The following CHST8 variants were observed in gnomAD, a reference collection of about 807,000 sequenced individuals.
CHST8 encodes GALNAC-4-ST1.
A neutral mutation model predicts 15.0 loss-of-function variants in CHST8; 10 were observed. That is an observed-to-expected ratio of 0.67 (90% CI 0.41 to 1.13). CHST8 has a LOEUF of 1.13. Ranked by LOEUF, CHST8 falls within the 50% of genes most tolerant of loss-of-function variation. The pLI is 0.00. For missense variants in CHST8, 634 were observed against 608.2 expected, an observed-to-expected ratio of 1.04 and a Z score of -0.45; for synonymous variants, 259 against 256.6, an observed-to-expected ratio of 1.01 and a Z score of -0.09.
intron 3 of CHST8, among the ~76,000 whole-genome samples, chr19:33,771,118 C>G (rs966486738): frequency 3.9e-5 from 6 of 152,146 alleles, no homozygotes; most frequent in Non-Finnish European, 8.8e-5. Context: ...TATGGGCACA[C>G]CTGGGCAGGG....
intron 1 of CHST8, among the ~76,000 whole-genome samples, chr19:33,631,952 C>T (rs1354539763): frequency 6.6e-6 from 1 of 152,182 alleles, no homozygotes; most frequent in Non-Finnish European, 1.5e-5. Context: ...TAAGAGTCCA[C>T]AATCAGTGGC....
rs1000289786 is a variant in CHST8 at position 33,626,624 on chromosome 19, G to C, written c.-164+4328G>C. Among the ~76,000 whole-genome samples, 6 of 152,050 alleles carry C rather than the reference G, an allele frequency of 3.9e-5. No individual in the cohort carries two copies. In the South Asian group the frequency reaches 1.2e-3, roughly 32 times the overall value. ...AGAGCTGGTTGTTAAAAAGAGCCTA[G>C]CACCTACCCCCTACCTCTGTGATCT... On this transcript the variant is annotated intron_variant, in intron 1 of 4. Transcript: ENST00000650847.
intron 3 of CHST8, among the ~76,000 whole-genome samples, chr19:33,755,611 G>A (rs548346383): frequency 7.9e-5 from 12 of 152,318 alleles, no homozygotes; most frequent in South Asian, 6.2e-4. Flanking sequence ...TTTGTTTCCC[G>A]GAATAGCACA....
intron 1 of CHST8, among the ~76,000 whole-genome samples, chr19:33,646,373 G>A (rs1489405599): frequency 6.6e-6 from 1 of 152,152 alleles, no homozygotes; most frequent in Non-Finnish European, 1.5e-5. Flanking sequence ...GATCATTTGA[G>A]CCAGTTTCTT....
intron 3 of CHST8, among the ~76,000 whole-genome samples, chr19:33,708,778 G>T (rs1162099451): frequency 6.6e-6 from 1 of 152,160 alleles, no homozygotes; most frequent in Non-Finnish European, 1.5e-5. Flanking sequence ...CACCTGCTGT[G>T]ACTTGATAGG....
chr19:33,721,468 T>G (rs1973787406), intron 3 of CHST8, among the ~76,000 whole-genome samples: 1 of 152,192 alleles, frequency 6.6e-6, no homozygotes, highest in Non-Finnish European at 1.5e-5. Flanking sequence ...GTTGGATGGA[T>G]GGACAGATGG....
rs748385975 is a variant in CHST8 at position 33,689,405 on chromosome 19, C to G, written c.130+14C>G. 6.4e-7 allele frequency: 1 copy of G among 1,571,330 alleles called. No individual in the cohort carries two copies. Among genetic ancestry groups the G allele is most frequent in the Non-Finnish European group, 8.6e-7 (1 of 1,162,726 alleles). ...AGCAGGTGCCAGGTGAGTCCTTGCG[C>G]TGAGTCCTGCCATCACTGCCCCCAG... is the stretch of plus-strand genomic sequence containing the variant. On this transcript the variant is annotated intron_variant, in intron 3 of 4. Transcript: ENST00000650847.
At chr19:33,650,509 TTTTCTTTTC>T (rs1972427383) in intron 1 of CHST8, among the ~76,000 whole-genome samples, 2 of 90,342 alleles carry the variant, frequency 2.2e-5, no homozygotes, top group Admixed American at 1.2e-4. Context: ...TTCTTTTTCT[TTTTCTTTTC>T]TTTTTTTTTT....
chr19:33,760,517 A>T (rs1974701358), intron 3 of CHST8, among the ~76,000 whole-genome samples: 1 of 151,210 alleles, frequency 6.6e-6, no homozygotes, highest in Non-Finnish European at 1.5e-5. Context: ...ATGGGGTCTC[A>T]CTATGTTGTC....
chr19:33,689,868 C>A (rs945986562), intron 3 of CHST8, among the ~76,000 whole-genome samples: 2 of 152,188 alleles, frequency 1.3e-5, no homozygotes, highest in African/African-American at 4.8e-5. Context: ...GAGGCCAAGA[C>A]CCCCTCCGAG....
chr19:33,747,871 T>C (rs2145351260), intron 3 of CHST8, among the ~76,000 whole-genome samples: 2 of 152,320 alleles, frequency 1.3e-5, no homozygotes, highest in South Asian at 4.1e-4. Flanking sequence ...GGTTCCTAGC[T>C]CTTTGTGGAG....
intron 3 of CHST8, among the ~76,000 whole-genome samples, chr19:33,757,390 GAAA>G (rs1568358114): frequency 4.0e-4 from 2 of 5,000 alleles, no homozygotes; most frequent in African/African-American, 5.0e-4. Flanking sequence ...AAAAAAAGAA[GAAA>G]GAAAGAAAGA....
In CHST8 at chr19:33,699,387, G is replaced by A. The variant is rs566200736; in HGVS notation, c.130+9996G>A. On this transcript the variant is annotated intron_variant, in intron 3 of 4. Transcript: ENST00000650847. ...GGGGAGACCTGGCCCTGGCTCAGCG[G>A]CGCCTGGGGGACACTTAAGGCAGGT... Among the ~76,000 whole-genome samples, 239 of 152,296 alleles carry A rather than the reference G, an allele frequency of 1.6e-3. 1 individual carries two copies. Among genetic ancestry groups the A allele is most frequent in the Non-Finnish European group, 2.3e-3 (157 of 68,018 alleles).
intron 3 of CHST8, among the ~76,000 whole-genome samples, chr19:33,731,189 A>G (rs1157624836): frequency 6.6e-6 from 1 of 152,248 alleles, no homozygotes; most frequent in African/African-American, 2.4e-5. Context: ...CAAGTTTATT[A>G]AGAAAGTAAA....
chr19:33,737,877 C>T (rs1974115493), intron 3 of CHST8, among the ~76,000 whole-genome samples: 1 of 152,170 alleles, frequency 6.6e-6, no homozygotes, highest in Admixed American at 6.5e-5. Context: ...CTGTGACTCA[C>T]TGTTATCTCC....
chr19:33,678,872 C>T (rs1010425993), intron 2 of CHST8, among the ~76,000 whole-genome samples: 1 of 152,234 alleles, frequency 6.6e-6, no homozygotes, highest in East Asian at 1.9e-4. Flanking sequence ...GACCCCAGCC[C>T]GAAGGACCCA....
intron 3 of CHST8, among the ~76,000 whole-genome samples, chr19:33,770,985 C>T (rs532911217): frequency 3.9e-5 from 6 of 152,260 alleles, no homozygotes; most frequent in African/African-American, 1.4e-4. Context: ...TGGGGCATGG[C>T]TGATGGGGTG....
chr19:33,713,417 C>T (rs1018738231), intron 3 of CHST8, among the ~76,000 whole-genome samples: 8 of 152,166 alleles, frequency 5.3e-5, no homozygotes, highest in Non-Finnish European at 5.9e-5. Context: ...ATGAACGCCA[C>T]TGCAGCCTGG....
At chr19:33,672,628 C>G (rs977232005) in intron 2 of CHST8, among the ~76,000 whole-genome samples, 3 of 152,220 alleles carry the variant, frequency 2.0e-5, no homozygotes, top group Admixed American at 1.3e-4. Flanking sequence ...GGCAGGGACT[C>G]TGACTGGCCG....
Sources: allele counts gnomAD v4.1 joint callset (sites outside exome capture counted in the v4.1 genomes callset), GRCh38; gene constraint gnomAD v4.1.1; transcripts MANE v1.5; gene names NCBI Gene and HGNC (gene_info 2026-07-23, HGNC 2026-07-21).